CAPG: variants seen among roughly 807,000 people sequenced by gnomAD.
CAPG encodes capping actin protein, gelsolin like.
In CAPG, 32 loss-of-function variants were observed where a neutral mutation model predicts 44.6. The ratio of observed to expected loss-of-function variants is 0.72; its 90% CI spans 0.54 to 0.96. The LOEUF (loss-of-function observed/expected upper bound fraction) is 0.96, where lower values mean the gene tolerates loss of function less well. Ranked by LOEUF, CAPG falls within the 50% of genes least tolerant of loss-of-function variation. The probability of loss-of-function intolerance (pLI) is 0.00; values close to 1 mark genes in which losing one functional copy is unlikely to be tolerated. For synonymous variants in CAPG, 175 were observed against 179.6 expected (o/e 0.97, Z 0.20); for missense variants, 412 against 438.3 (o/e 0.94, Z 0.54).
chr2:85,397,517 T>TCAA (rs1686653586), intron 8 of CAPG, among the ~76,000 whole-genome samples: 2 of 149,730 alleles, frequency 1.3e-5, no homozygotes, highest in African/African-American at 4.9e-5. Flanking sequence ...GAGACCAGCC[T>TCAA]GGTAGTGAAA....
chr2:85,399,370 C>T (rs530572160), intron 5 of CAPG, 85 bp from the exon 6 acceptor site: 2 of 1,409,264 alleles, frequency 1.4e-6, no homozygotes, highest in East Asian at 2.4e-5. Context: ...AGCTCTCCCT[C>T]TCTCCTCTCT....
intron 8 of CAPG, among the ~76,000 whole-genome samples, chr2:85,397,710 A>AAGAAAGAT (rs1686669020): frequency 2.0e-5 from 3 of 149,476 alleles, no homozygotes; most frequent in African/African-American, 7.4e-5. Context: ...CTCAAAAAGA[A>AAGAAAGAT]AGAAAGAAAG....
At chr2:85,399,047 C>G in intron 6 of CAPG, 89 bp downstream of exon 6, 1 of 1,449,682 alleles carries the variant, frequency 6.9e-7, no homozygotes, top group Non-Finnish European at 9.5e-7. Context: ...CCACCCTCCA[C>G]CGGCCACTCT....
At chr2:85,400,990 G>A (rs1686855403) in intron 5 of CAPG, among the ~76,000 whole-genome samples, 175 bp downstream of exon 5, 1 of 152,250 alleles carries the variant, frequency 6.6e-6, no homozygotes, top group African/African-American at 2.4e-5. Flanking sequence ...GATGGCAGAA[G>A]GAGGCTGGCA....
At chr2:85,407,082 A>G (rs910335814) in intron 1 of CAPG, among the ~76,000 whole-genome samples, 3 of 151,690 alleles carry the variant, frequency 2.0e-5, no homozygotes, top group Admixed American at 2.0e-4. Context: ...GGCGTGCACC[A>G]CCACATCTGG....
At chr2:85,393,872 T>C (rs952836309), downstream of CAPG, among the ~76,000 whole-genome samples, 2 of 152,204 alleles carry the variant, frequency 1.3e-5, no homozygotes, top group Non-Finnish European at 2.9e-5. Flanking sequence ...CTGGGGTATC[T>C]ATGGTATGGT....
rs749168148 is a variant in CAPG, at chr2:85,399,324, C to T, written c.517-39G>A. 7 of 1,605,920 alleles carry T rather than the reference C, an allele frequency of 4.4e-6. No homozygotes were observed. The South Asian group carries it at 7.8e-5, about 18-fold the overall frequency. On this transcript the variant is annotated intron_variant, in intron 5 of 9. Coordinates refer to ENST00000263867, the MANE Select transcript of CAPG (RefSeq NM_001747.4). Reference sequence around the variant, plus strand: ...GGAAAGTCCGGGTCAGAGCCAGATGCCTGTGTCCTGCTCCCCAGCTCAGAG... The same window carrying T: ...GGAAAGTCCGGGTCAGAGCCAGATGTCTGTGTCCTGCTCCCCAGCTCAGAG...
chr2:85,405,726 G>A (rs956517814), intron 1 of CAPG, among the ~76,000 whole-genome samples: 6 of 152,230 alleles, frequency 3.9e-5, no homozygotes, highest in South Asian at 4.1e-4. Context: ...CCACGATTCC[G>A]GAAGAGGACA....
At position 85,395,776 on chromosome 2, in the gene CAPG, T is replaced by C; in HGVS notation, c.893-150A>G. The C allele has an allele frequency of 4.8e-6, 3 of 620,848 alleles. No homozygotes were observed. Among genetic ancestry groups the C allele is most frequent in the Non-Finnish European group, 8.6e-6 (3 of 347,312 alleles). 38.5% of individuals were successfully genotyped at this position (620,848 alleles called of 1,614,324 possible). Reference sequence around the variant, plus strand: ...GGGTCCCAAGAATGCCGAGGGGCTCTTTGGAGATGTGGAGTCAGTCCCTTA... The same window carrying C: ...GGGTCCCAAGAATGCCGAGGGGCTCCTTGGAGATGTGGAGTCAGTCCCTTA... On this transcript the variant is annotated intron_variant, in intron 8 of 9. Transcript: ENST00000263867. The surrounding 1 kb of genome is among the most constrained non-coding windows in gnomAD (Gnocchi z 4.3).
chr2:85,402,093 T>A, intron 2 of CAPG, 30 bp downstream of exon 2: 1 of 1,610,918 alleles, frequency 6.2e-7, no homozygotes, highest in East Asian at 2.2e-5. Context: ...GAAGGGGAAG[T>A]TGTGAAAGGA....
chr2:85,411,658 G>A (rs867697101), upstream of CAPG, among the ~76,000 whole-genome samples: 4 of 152,188 alleles, frequency 2.6e-5, no homozygotes, highest in South Asian at 2.1e-4. Flanking sequence ...CCAGGTTCAG[G>A]GTCAAGGCCT....
upstream of CAPG, among the ~76,000 whole-genome samples, chr2:85,410,714 G>C (rs3770102): frequency 1.3e-5 from 2 of 152,048 alleles, no homozygotes; most frequent in Non-Finnish European, 2.9e-5. Flanking sequence ...GGGCAGGCGC[G>C]GCACAGCCCC....
At chr2:85,394,715 T>C (rs771043133), downstream of CAPG, 40 of 658,624 alleles carry the variant, frequency 6.1e-5, no homozygotes, top group Middle Eastern at 4.3e-3. Flanking sequence ...CCCAGGTGAA[T>C]AGGTGGGTGA....
upstream of CAPG, chr2:85,418,640 A>ACG (rs1558742408): frequency 7.2e-6 from 1 of 138,270 alleles, no homozygotes; most frequent in Non-Finnish European, 1.6e-5. Context: ...TCACACACGC[A>ACG]CACACACACA....
In CAPG at chr2:85,398,051, G is replaced by A. The variant is rs60033612; in HGVS notation, c.861C>T (p.Asn287=). 248 of 1,614,058 alleles carry A rather than the reference G, an allele frequency of 1.5e-4. 1 individual carries two copies. The highest frequency in any genetic ancestry group is 2.2e-4 in the South Asian group (20 of 91,078). The change falls in exon 8 of 10, where the codon AAC becomes AAT. Residue 287 remains asparagine (N), a synonymous_variant. Transcript: ENST00000263867. The part of the protein sequence containing the change: ...LISDDCFVLD[N]GLCGKIYIWK... ...AGATATAGATCTTGCCACAGAGCCC[G>A]TTGTCCAGCACAAAGCAGTCATCAG...
At chr2:85,392,274 C>A (rs545158616), downstream of CAPG, among the ~76,000 whole-genome samples, 36 of 152,170 alleles carry the variant, frequency 2.4e-4, 1 homozygote, top group East Asian at 7.0e-3. Flanking sequence ...CCTGTAGTCC[C>A]AGCTACTCAA....
rs73945743 is a variant in CAPG at position 85,395,767 on chromosome 2, G to C, written c.893-141C>G. 16,536 of 631,538 alleles carry C rather than the reference G, an allele frequency of 0.026. 943 individuals are homozygous for C. Among genetic ancestry groups the C allele is most frequent in the African/African-American group, 0.17 (9,462 of 54,874 alleles). The allele number at this position is 631,538 out of a possible 1,614,324, so 39.1% of individuals were successfully genotyped here. A position where few individuals can be genotyped will look rare whatever the true frequency, so the allele number is the denominator to read the frequency against. ...ATGGACCAGGGGTCCCAAGAATGCC[G>C]AGGGGCTCTTTGGAGATGTGGAGTC... On this transcript the variant is annotated intron_variant, in intron 8 of 9. Transcript: ENST00000263867. The surrounding 1 kb of genome is among the most constrained non-coding windows in gnomAD (Gnocchi z 4.3).
upstream of CAPG, among the ~76,000 whole-genome samples, chr2:85,411,987 A>G (rs569464555): frequency 6.6e-6 from 1 of 152,022 alleles, no homozygotes; most frequent in East Asian, 1.9e-4. Flanking sequence ...ACTTGAACCC[A>G]GGAGGCGGAG....
At chr2:85,404,435 C>T (rs1268104979) in intron 1 of CAPG, among the ~76,000 whole-genome samples, 2 of 152,034 alleles carry the variant, frequency 1.3e-5, no homozygotes, top group Non-Finnish European at 2.9e-5. Flanking sequence ...TATAAGGAGA[C>T]CACAACCCTA....
Sources: gnomAD v4.1 joint callset for allele counts (sites outside exome capture counted in the v4.1 genomes callset) on GRCh38, gnomAD v4.1.1 for gene constraint, Gnocchi (gnomAD v3.1) non-coding constraint, MANE v1.5 for transcripts, NCBI Gene and HGNC (gene_info 2026-07-23, HGNC 2026-07-21) for gene names.